TMC1: variants seen among roughly 807,000 people sequenced by gnomAD.
TMC1 encodes transmembrane channel-like protein 1.
TMC1 carries 84 observed loss-of-function variants against 105.8 expected under a neutral mutation model. The observed-to-expected ratio is 0.79, with a 90% CI of 0.67 to 0.95. The LOEUF (loss-of-function observed/expected upper bound fraction) is 0.95, where lower values mean the gene tolerates loss of function less well. TMC1 is among the 40% of genes least tolerant of loss of function. TMC1 has a pLI of 0.00. For missense variants in TMC1, 817 were observed against 914.1 expected (o/e 0.89, Z 1.37); for synonymous variants, 315 against 311.5 (o/e 1.01, Z -0.12).
chr9:72,639,492 CT>C (rs1825589333), intron 4 of TMC1, among the ~76,000 whole-genome samples: 1 of 151,922 alleles, frequency 6.6e-6, no homozygotes. Context: ...TAGAAAAATC[CT>C]TTGAAAAAGG....
rs530810140 is a variant in TMC1, at chr9:72,711,242, CT to C, written c.362+10602del. 5.5e-3 allele frequency among the ~76,000 whole-genome samples: 830 copies of C among 152,254 alleles called. 6 individuals carry two copies. The highest frequency in any genetic ancestry group is 0.019 in the African/African-American group (802 of 41,532). ...GCAGTAAACATACGTGTGCATGTGT[CT>C]TTACAGTAAAATGATTTATAATCCT... On this transcript the variant is annotated intron_variant, in intron 8 of 23. Coordinates refer to ENST00000297784, the MANE Select transcript of TMC1 (RefSeq NM_138691.3).
intron 7 of TMC1, 97 bp from the exon 8 acceptor site, chr9:72,700,421 A>T (rs1359400196): frequency 4.2e-5 from 42 of 1,003,990 alleles, no homozygotes; most frequent in East Asian, 5.8e-5. Flanking sequence ...GGTTACATTT[A>T]AAAAAAATGA....
chr9:72,528,721 C>T (rs891759567), intron 1 of TMC1, among the ~76,000 whole-genome samples: 1 of 152,188 alleles, frequency 6.6e-6, no homozygotes, highest in Non-Finnish European at 1.5e-5. Flanking sequence ...CAAGACTTGG[C>T]TCTCAGCCTT....
intron 1 of TMC1, among the ~76,000 whole-genome samples, chr9:72,557,221 A>G (rs1207536516): frequency 1.3e-5 from 2 of 152,110 alleles, no homozygotes; most frequent in African/African-American, 4.8e-5. Context: ...AAATACAAAC[A>G]ATAGCCGGGC....
Position 72,596,502 on chromosome 9 carries a change from T to C in TMC1, c.-306+18479T>C, listed in dbSNP as rs148298085. On this transcript the variant is annotated intron_variant, in intron 2 of 23. Transcript: ENST00000297784. Reference sequence around the variant, plus strand: ...GCATTTGATGAACAGAAATAATGACTTCAACAATTGGGACTATCAGTTCAC... The same window carrying C: ...GCATTTGATGAACAGAAATAATGACCTCAACAATTGGGACTATCAGTTCAC... 1.8e-3 allele frequency among the ~76,000 whole-genome samples: 257 copies of C among 144,356 alleles called. 3 individuals are homozygous for C. The East Asian group carries it at 0.025, about 14-fold the overall frequency. 94.7% of individuals were successfully genotyped at this position (144,356 alleles called of 152,430 possible). A position where few individuals can be genotyped will look rare whatever the true frequency, so the allele number is the denominator to read the frequency against.
At position 72,590,267 on chromosome 9, in the gene TMC1, G is replaced by C. The variant is rs187565251; in HGVS notation, c.-306+12244G>C. Among the ~76,000 whole-genome samples, 253 of 152,296 alleles carry C rather than the reference G, an allele frequency of 1.7e-3. 1 individual carries two copies. The highest frequency in any genetic ancestry group is 5.9e-3 in the African/African-American group (245 of 41,558). ...CACACTTGCCCTTTATACTCTGACA[G>C]CCATAAGCTTCATTTCCTTGAAGCA... On this transcript the variant is annotated intron_variant, in intron 2 of 23. Transcript: ENST00000297784.
intron 10 of TMC1, among the ~76,000 whole-genome samples, chr9:72,746,127 A>T (rs1249198937): frequency 2.0e-5 from 3 of 152,228 alleles, no homozygotes; most frequent in African/African-American, 7.2e-5. Context: ...TAGAATACAT[A>T]TTTAATTATA....
intron 1 of TMC1, among the ~76,000 whole-genome samples, chr9:72,545,964 A>G (rs1186901123): frequency 6.6e-6 from 1 of 151,806 alleles, no homozygotes; most frequent in African/African-American, 2.4e-5. Flanking sequence ...AAAAAAACAA[A>G]CCTTCACTAG....
chr9:72,742,370 T>G (rs1254118698), intron 9 of TMC1, 74 bp from the exon 10 acceptor site: 10 of 1,168,182 alleles, frequency 8.6e-6, no homozygotes, highest in African/African-American at 3.0e-5. Context: ...CATTGTAATG[T>G]TTTGAGGTGG....
In TMC1 at chr9:72,788,259, A is replaced by C. The variant is rs949449947; in HGVS notation, c.885-80A>C. 2.8e-5 allele frequency: 42 copies of C among 1,501,048 alleles called. No homozygotes were observed. In the Admixed American group the frequency reaches 4.0e-4, roughly 14 times the overall value. The allele number at this position is 1,501,048 out of a possible 1,614,324, so 93.0% of individuals were successfully genotyped here. A position where few individuals can be genotyped will look rare whatever the true frequency, so the allele number is the denominator to read the frequency against. Reference sequence around the variant, plus strand: ...CTTTTTGCTATTGCTTCTCCACTTCAACACTCATGATCATGTTTTGTTGCT... The same window carrying C: ...CTTTTTGCTATTGCTTCTCCACTTCCACACTCATGATCATGTTTTGTTGCT... On this transcript the variant is annotated intron_variant, in intron 13 of 23. Coordinates refer to ENST00000297784, the MANE Select transcript of TMC1 (RefSeq NM_138691.3).
At chr9:72,529,797 G>A (rs1452789241) in intron 1 of TMC1, among the ~76,000 whole-genome samples, 1 of 151,996 alleles carries the variant, frequency 6.6e-6, no homozygotes, top group East Asian at 1.9e-4. Context: ...AAAACATTTA[G>A]AATCAAATTA....
At chr9:72,570,200 C>T (rs1206346753) in intron 1 of TMC1, among the ~76,000 whole-genome samples, 1 of 150,344 alleles carries the variant, frequency 6.7e-6, no homozygotes, top group African/African-American at 2.5e-5. Flanking sequence ...CTCTGCCCCA[C>T]TCTTTGAAAG....
chr9:72,741,041 A>G (rs1827380144), intron 9 of TMC1: 1 of 153,780 alleles, frequency 6.5e-6, no homozygotes, highest in Non-Finnish European at 1.4e-5. Context: ...TTGTATAAAG[A>G]TGCTGTGACA....
At chr9:72,765,102 A>G (rs1827809804) in intron 12 of TMC1, among the ~76,000 whole-genome samples, 1 of 152,204 alleles carries the variant, frequency 6.6e-6, no homozygotes, top group Non-Finnish European at 1.5e-5. Context: ...ATGGAAATCG[A>G]ATTGGAGGAA....
chr9:72,595,393 C>T (rs117570769), intron 2 of TMC1, among the ~76,000 whole-genome samples: 1,686 of 152,242 alleles, frequency 0.011, 19 homozygotes, highest in Admixed American at 0.016. Context: ...GGGGGAGTCA[C>T]ATAACATGGA....
At chr9:72,782,446 G>A (rs1828108785) in intron 13 of TMC1, among the ~76,000 whole-genome samples, 1 of 152,154 alleles carries the variant, frequency 6.6e-6, no homozygotes, top group Non-Finnish European at 1.5e-5. Flanking sequence ...CATAGTACGG[G>A]AAGTCCTAGC....
At chr9:72,556,688 G>A (rs1254773830) in intron 1 of TMC1, among the ~76,000 whole-genome samples, 2 of 151,868 alleles carry the variant, frequency 1.3e-5, no homozygotes. Context: ...CAGGTATGGT[G>A]GTGCGTGCCT....
At chr9:72,549,652 C>T (rs1217540786) in intron 1 of TMC1, among the ~76,000 whole-genome samples, 1 of 149,178 alleles carries the variant, frequency 6.7e-6, no homozygotes, top group Non-Finnish European at 1.5e-5. Flanking sequence ...ACTCTGTTGC[C>T]CGAGCTGGAT....
intron 2 of TMC1, among the ~76,000 whole-genome samples, chr9:72,599,703 G>A (rs1049263223): frequency 6.6e-6 from 1 of 151,530 alleles, no homozygotes. Flanking sequence ...CCAGCTACTC[G>A]GGAGGCTGAG....
Sources: allele counts gnomAD v4.1 joint callset (sites outside exome capture counted in the v4.1 genomes callset), GRCh38; gene constraint gnomAD v4.1.1; transcripts MANE v1.5; gene names NCBI Gene and HGNC (gene_info 2026-07-23, HGNC 2026-07-21).